CACNA1H: variants seen among roughly 807,000 people sequenced by gnomAD.
The protein encoded by CACNA1H is voltage-dependent T-type calcium channel subunit alpha-1H.
A neutral mutation model predicts 192.5 loss-of-function variants in CACNA1H; 149 were observed. The ratio of observed to expected loss-of-function variants is 0.77; its 90% CI spans 0.68 to 0.89. The LOEUF (loss-of-function observed/expected upper bound fraction) is 0.89. Among genes scored for constraint, CACNA1H ranks in the 40% least tolerant of loss-of-function variants. The pLI is 0.00. For missense variants in CACNA1H, 4,257 were observed against 3,423.5 expected, an observed-to-expected ratio of 1.24 and a Z score of -6.08; for synonymous variants, 2,202 against 1,475.2, an observed-to-expected ratio of 1.49 and a Z score of -11.29.
At chr16:1,195,684 G>C (rs937430505) in intron 4 of CACNA1H, 119 bp downstream of exon 4, 1 of 1,246,968 alleles carries the variant, frequency 8.0e-7, no homozygotes, top group Non-Finnish European at 1.1e-6. Flanking sequence ...GATCCAGGTA[G>C]AGCCAGGGAC....
Position 1,211,759 on chromosome 16 carries a change from T to C in CACNA1H, c.4520T>C (p.Val1507Ala). 6.2e-7 allele frequency: 1 copy of C among 1,612,602 alleles called. No individual in the cohort carries two copies. Among genetic ancestry groups the C allele is most frequent in the Non-Finnish European group, 8.5e-7 (1 of 1,179,710 alleles). Reference protein sequence around the residue: ...LFVLSSKDGWVNIMYDGLDAV... With the variant: ...LFVLSSKDGWANIMYDGLDAV... ...GTGCTGTCATCCAAGGATGGATGGGTGAACATCATGTACGACGGGCTGGAT... is the reference window on the plus strand; with the variant it reads ...GTGCTGTCATCCAAGGATGGATGGGCGAACATCATGTACGACGGGCTGGAT... The change falls in exon 24 of 35, where the codon GTG (valine) becomes GCG (alanine). Residue 1507 changes from valine to alanine, a missense_variant. Physicochemically the swap from Val to Ala is moderately conservative, Grantham distance 64. Transcript: ENST00000348261.
At chr16:1,182,615 C>A (rs1228471551) in intron 2 of CACNA1H, among the ~76,000 whole-genome samples, 1 of 152,108 alleles carries the variant, frequency 6.6e-6, no homozygotes, top group Admixed American at 6.5e-5. Context: ...CTGGCCAGGC[C>A]CCTGGGGAGA....
In CACNA1H at chr16:1,210,594, C is replaced by T. The variant is rs1287060040; in HGVS notation, c.3981C>T (p.Phe1327=). The change falls in exon 20 of 35, where the codon TTC becomes TTT. Residue 1327 remains phenylalanine (F), a synonymous_variant. Coordinates refer to ENST00000348261, the MANE Select transcript of CACNA1H (RefSeq NM_021098.3). ...DIDPGSTERV[F]LSVSNYIFTA... is the part of the protein sequence containing the mutation. ...TCCTCTCCCGGCAGGAGCGGGTCTT[C>T]CTCAGCGTCTCCAATTACATCTTCA... is the stretch of plus-strand genomic sequence containing the variant. 6 of 1,608,696 alleles carry T rather than the reference C, an allele frequency of 3.7e-6. No homozygotes were observed. The highest frequency in any genetic ancestry group is 2.2e-5 in the East Asian group (1 of 44,876).
rs779654907 is a variant in CACNA1H at position 1,218,967 on chromosome 16, C to A, written c.5888-3C>A. 1.3e-6 allele frequency: 2 copies of A among 1,549,948 alleles called. No individual in the cohort carries two copies. Among genetic ancestry groups the A allele is most frequent in the South Asian group, 2.4e-5 (2 of 84,054 alleles). The stretch of plus-strand genomic sequence containing the variant: ...TGCCAGCTTAGATTCTTCCCTGCCC[C>A]AGGCTCCGTTGCCTCTGTGCACTCT... On this transcript the variant is annotated splice_region_variant and splice_polypyrimidine_tract_variant and intron_variant, in intron 33 of 34. Coordinates refer to ENST00000348261, the MANE Select transcript of CACNA1H (RefSeq NM_021098.3).
At chr16:1,173,350 G>A (rs72775430) in intron 2 of CACNA1H, among the ~76,000 whole-genome samples, 2,651 of 152,306 alleles carry the variant, frequency 0.017, 48 homozygotes, top group Middle Eastern at 0.085. Context: ...AGTGTGGGAT[G>A]AGGCGTGCTC....
chr16:1,184,034 A>G (rs1161102551), intron 2 of CACNA1H, among the ~76,000 whole-genome samples: 1 of 152,210 alleles, frequency 6.6e-6, no homozygotes, highest in Non-Finnish European at 1.5e-5. Flanking sequence ...AGTCAAGGCC[A>G]GCCGGGCTGT....
intron 2 of CACNA1H, among the ~76,000 whole-genome samples, chr16:1,175,109 C>T (rs914452896): frequency 6.6e-6 from 1 of 152,164 alleles, no homozygotes; most frequent in African/African-American, 2.4e-5. Context: ...TGAGGCCCCA[C>T]TGCGCGCGCA....
chr16:1,183,037 CCCACCCA>C (rs1965627852), intron 2 of CACNA1H, among the ~76,000 whole-genome samples: 1 of 141,206 alleles, frequency 7.1e-6, no homozygotes, highest in African/African-American at 2.6e-5. Flanking sequence ...AGGTCTGGGC[CCCACCCA>C]CCACCCCCGC....
rs1567544842 is a variant in CACNA1H, at chr16:1,212,664, G to T, written c.4777+136G>T. ...GGAGGTGCTGGGCGTGTGGCGTGAG[G>T]AGGGGCTGCGCTCGCCCGCCAGTGT... On this transcript the variant is annotated intron_variant, in intron 26 of 34. Transcript: ENST00000348261. 4 of 1,056,834 alleles carry T rather than the reference G, an allele frequency of 3.8e-6. No homozygotes were observed. The East Asian group carries it at 7.9e-5, about 21-fold the overall frequency. 65.5% of individuals were successfully genotyped at this position (1,056,834 alleles called of 1,614,324 possible).
rs1267377730 is a variant in CACNA1H, at chr16:1,218,991, C to G, written c.5909C>G (p.Ser1970Cys). ...TPLGSVASVHSPPAESCASLQ... is the reference protein window; with the variant it reads ...TPLGSVASVHCPPAESCASLQ... Reference sequence around the variant, plus strand: ...CCAGGCTCCGTTGCCTCTGTGCACTCTCCGCCCGCAGAGTCCTGTGCCTCC... The same window carrying G: ...CCAGGCTCCGTTGCCTCTGTGCACTGTCCGCCCGCAGAGTCCTGTGCCTCC... Residue 1970 changes from serine to cysteine, a missense_variant, in exon 34 of 35, where the codon TCT (serine) becomes TGT (cysteine). Coordinates refer to ENST00000348261, the MANE Select transcript of CACNA1H (RefSeq NM_021098.3). The G allele has an allele frequency of 1.6e-5, 25 of 1,550,316 alleles. No individual in the cohort carries two copies. Among genetic ancestry groups the G allele is most frequent in the Non-Finnish European group, 2.1e-5 (24 of 1,146,906 alleles).
intron 2 of CACNA1H, among the ~76,000 whole-genome samples, chr16:1,179,709 G>A (rs907754510): frequency 6.7e-6 from 1 of 149,870 alleles, no homozygotes; most frequent in African/African-American, 2.5e-5. Flanking sequence ...GATGACAGGT[G>A]TGAGCCACCA....
chr16:1,175,149 C>A (rs1394987959), intron 2 of CACNA1H, among the ~76,000 whole-genome samples: 1 of 151,928 alleles, frequency 6.6e-6, no homozygotes, highest in East Asian at 1.9e-4. Context: ...ACGTAATGCC[C>A]TACTGTGCGC....
chr16:1,182,177 C>T (rs1026526352), intron 2 of CACNA1H, among the ~76,000 whole-genome samples: 1 of 152,168 alleles, frequency 6.6e-6, no homozygotes, highest in Non-Finnish European at 1.5e-5. Context: ...TGTTTTGGCC[C>T]CTCCGGTGGG....
chr16:1,181,909 C>CAT (rs879380266), intron 2 of CACNA1H, among the ~76,000 whole-genome samples: 140 of 152,226 alleles, frequency 9.2e-4, no homozygotes, highest in African/African-American at 3.2e-3. Context: ...TACACACATG[C>CAT]GCCCCTCACA....
At chr16:1,211,034 C>G in intron 21 of CACNA1H, 63 bp downstream of exon 21, 1 of 1,557,594 alleles carries the variant, frequency 6.4e-7, no homozygotes. Context: ...CGCCACTGCC[C>G]ATTACTCCTC....
chr16:1,187,101 A>G (rs1815888723), intron 2 of CACNA1H, among the ~76,000 whole-genome samples: 1 of 152,270 alleles, frequency 6.6e-6, no homozygotes. Context: ...CTGCGGGCTG[A>G]TAGCGCCTGT....
At chr16:1,168,400 C>T (rs1042030147) in intron 2 of CACNA1H, among the ~76,000 whole-genome samples, 1 of 152,124 alleles carries the variant, frequency 6.6e-6, no homozygotes, top group Non-Finnish European at 1.5e-5. Context: ...ATGGGGCCAA[C>T]GATGTGGGGA....
At chr16:1,159,076 G>C (rs1962840603) in intron 2 of CACNA1H, among the ~76,000 whole-genome samples, 1 of 152,262 alleles carries the variant, frequency 6.6e-6, no homozygotes, top group Non-Finnish European at 1.5e-5. Flanking sequence ...GGGAGTCCCT[G>C]AGCACAGCCT....
intron 2 of CACNA1H, among the ~76,000 whole-genome samples, chr16:1,158,949 C>T (rs1013940972): frequency 6.6e-6 from 1 of 152,180 alleles, no homozygotes; most frequent in Non-Finnish European, 1.5e-5. Flanking sequence ...TGGGACCGGG[C>T]AGGGGTCTCG....
Sources: gnomAD v4.1 joint callset for allele counts (sites outside exome capture counted in the v4.1 genomes callset) on GRCh38, gnomAD v4.1.1 for gene constraint, MANE v1.5 for transcripts, NCBI Gene and HGNC (gene_info 2026-07-23, HGNC 2026-07-21) for gene names.